GCM1: variants seen among roughly 807,000 people sequenced by gnomAD.
GCM1 encodes the protein chorion-specific transcription factor GCMa.
GCM1 carries 2 observed loss-of-function variants against 25.7 expected under a neutral mutation model. The observed-to-expected ratio is 0.08, with a 90% confidence interval of 0.03 to 0.24. GCM1 has a LOEUF of 0.24. GCM1 is among the 10% of genes least tolerant of loss of function. GCM1 has a pLI of 1.00. For missense variants in GCM1, 395 were observed against 538.7 expected, an observed-to-expected ratio of 0.73 and a Z score of 2.64; for synonymous variants, 183 against 195.7, an observed-to-expected ratio of 0.94 and a Z score of 0.54.
chr6:53,140,530 C>CAGAAAA (rs1763858837), intron 2 of GCM1, among the ~76,000 whole-genome samples: 1 of 128,596 alleles, frequency 7.8e-6, no homozygotes, highest in African/African-American at 2.8e-5. Context: ...TTCTCTCTAC[C>CAGAAAA]AAAAAAAAAA....
In GCM1 at chr6:53,128,201, T is replaced by C. The variant is rs754318983; in HGVS notation, c.*5A>G. ...GGCTGGGGTGCACATAGTGAAAGATTTGGGTCATCTCAAAGGACACAGGTT... is the reference window on the plus strand; with the variant it reads ...GGCTGGGGTGCACATAGTGAAAGATCTGGGTCATCTCAAAGGACACAGGTT... On this transcript the variant is annotated 3_prime_UTR_variant, in exon 6 of 6. Coordinates refer to ENST00000259803, the MANE Select transcript of GCM1 (RefSeq NM_003643.4). 1.3e-6 allele frequency: 2 copies of C among 1,599,724 alleles called. No homozygotes were observed. The highest frequency in any genetic ancestry group is 1.7e-6 in the Non-Finnish European group (2 of 1,176,856).
chr6:53,142,902 A>AAGGAGATG lies in GCM1; in HGVS notation c.75+2648_75+2655dup, dbSNP rs1443433431. Among the ~76,000 whole-genome samples, 6 of 148,668 alleles carry AAGGAGATG rather than the reference A, an allele frequency of 4.0e-5. No homozygotes were observed. In the South Asian group the frequency reaches 1.1e-3, roughly 26 times the overall value. ...AAAAAAAAAAAAAAAAAAAAAAAAA[A>AAGGAGATG]AGGAGATGGAACTAGAATTCAAATC... On this transcript the variant is annotated intron_variant, in intron 2 of 5. Coordinates refer to ENST00000259803, the MANE Select transcript of GCM1 (RefSeq NM_003643.4).
At position 53,128,585 on chromosome 6, in the gene GCM1, T is replaced by G; in HGVS notation, c.932A>C (p.Asn311Thr). Residue 311 changes from asparagine to threonine, a missense_variant, in exon 6 of 6, where the codon AAC (asparagine) becomes ACC (threonine). Physicochemically the swap from Asn to Thr is moderately conservative, Grantham distance 65. This residue lies in a region of GCM1 where 291 missense variants were observed against 314.6 expected (regional missense o/e 0.92). Transcript: ENST00000259803. ...AALGRNHLAD[N>T]CYSNYPFPLT... ...AGGAAAAGGATAATTGGAATAACAG[T>G]TGTCAGCAAGATGATTTCTCCCCAA... 1 of 1,614,088 alleles carries G rather than the reference T, an allele frequency of 6.2e-7. No individual in the cohort carries two copies. Among genetic ancestry groups the G allele is most frequent in the Non-Finnish European group, 8.5e-7 (1 of 1,179,978 alleles).
intron 2 of GCM1, among the ~76,000 whole-genome samples, chr6:53,136,598 A>G (rs1376668865): frequency 1.3e-5 from 2 of 152,194 alleles, no homozygotes; most frequent in Non-Finnish European, 2.9e-5. Context: ...TGTGGTTGTA[A>G]GAGTCACTGG....
Position 53,139,863 on chromosome 6 carries a change from AAAAT to A in GCM1, c.76-5543_76-5540del, listed in dbSNP as rs747849815. 5.9e-5 allele frequency among the ~76,000 whole-genome samples: 9 copies of A among 152,234 alleles called. No homozygotes were observed. In the South Asian group the frequency reaches 1.0e-3, roughly 18 times the overall value. On this transcript the variant is annotated intron_variant, in intron 2 of 5. Coordinates refer to ENST00000259803, the MANE Select transcript of GCM1 (RefSeq NM_003643.4). The stretch of plus-strand genomic sequence containing the variant: ...GCGACAGAGTGAGACTCCGTCTAAA[AAAAT>A]AAATAAATAAATAAAATAAGACTCA...
rs1430197087 is a variant in GCM1 at position 53,146,225 on chromosome 6, T to TATATAA, written c.-136-458_-136-457insTTATAT. ...ATATATATATATATATATTTTTTTT[T>TATATAA]TTTTTTTTTTTTGAGATGGAGTCTC... On this transcript the variant is annotated intron_variant, in intron 1 of 5. Coordinates refer to ENST00000259803, the MANE Select transcript of GCM1 (RefSeq NM_003643.4). Among the ~76,000 whole-genome samples, 13 of 90,762 alleles carry TATATAA rather than the reference T, an allele frequency of 1.4e-4. No homozygotes were observed. The East Asian group carries it at 4.6e-3, about 32-fold the overall frequency. The allele number at this position is 90,762 out of a possible 152,430, so 59.5% of individuals were successfully genotyped here.
intron 5 of GCM1, 145 bp from the exon 6 acceptor site, chr6:53,129,091 A>G: frequency 1.5e-6 from 1 of 649,554 alleles, no homozygotes; most frequent in Non-Finnish European, 2.6e-6. Context: ...GCACAAACAC[A>G]TGCAGCGGCT....
chr6:53,134,794 C>T (rs745309765), intron 2 of GCM1, among the ~76,000 whole-genome samples: 3 of 152,124 alleles, frequency 2.0e-5, no homozygotes, highest in African/African-American at 4.8e-5. Context: ...ACAGCAAGAC[C>T]CCTTCTCTAA....
At chr6:53,146,957 C>G (rs1269877045) in intron 1 of GCM1, among the ~76,000 whole-genome samples, 1 of 151,938 alleles carries the variant, frequency 6.6e-6, no homozygotes, top group Non-Finnish European at 1.5e-5. Flanking sequence ...TTACCCGAGC[C>G]CAGGAGGTTG....
Position 53,127,462 on chromosome 6 carries a change from C to CT in GCM1, c.*743_*744insA, listed in dbSNP as rs1445566239. On this transcript the variant is annotated 3_prime_UTR_variant, in exon 6 of 6. Coordinates refer to ENST00000259803, the MANE Select transcript of GCM1 (RefSeq NM_003643.4). ...TTCACACCTTAGGCAGTTCTTCCACCATCTATTTCTGTTTCTTCATTCTCA... is the reference window on the plus strand; with the variant it reads ...TTCACACCTTAGGCAGTTCTTCCACCTATCTATTTCTGTTTCTTCATTCTCA... The CT allele has an allele frequency of 1.8e-4, 28 of 152,282 alleles. No individual in the cohort carries two copies. The highest frequency in any genetic ancestry group is 6.7e-4 in the African/African-American group (28 of 41,558). 9.4% of individuals were successfully genotyped at this position (152,282 alleles called of 1,614,324 possible).
intron 1 of GCM1, among the ~76,000 whole-genome samples, chr6:53,147,196 T>C (rs1222209217): frequency 6.6e-6 from 1 of 152,136 alleles, no homozygotes; most frequent in Non-Finnish European, 1.5e-5. Flanking sequence ...ATTTGAAGTG[T>C]TCTACCCTGA....
intron 5 of GCM1, 31 bp downstream of exon 5, chr6:53,130,772 C>T (rs1313831846): frequency 6.3e-7 from 1 of 1,590,794 alleles, no homozygotes; most frequent in African/African-American, 1.3e-5. Context: ...CAAGCTACTG[C>T]ATGTATTGAA....
At chr6:53,141,635 C>T (rs553379656) in intron 2 of GCM1, among the ~76,000 whole-genome samples, 8 of 151,766 alleles carry the variant, frequency 5.3e-5, no homozygotes, top group East Asian at 3.9e-4. Context: ...TGCAGTGAGC[C>T]GAGATAGTGC....
At position 53,145,605 on chromosome 6, in the gene GCM1, C is replaced by T. The variant is rs1413772197; in HGVS notation, c.28G>A (p.Asp10Asn). The change falls in exon 2 of 6, where the codon GAC becomes AAC. Residue 10 changes from aspartate (D) to asparagine (N), a missense_variant. Around this residue, in one of 5 missense-constraint regions of GCM1, gnomAD observed 44 missense variants for 60.8 expected, o/e 0.72. Transcript: ENST00000259803. ...ATATCCCAGCTTAATATCTCTTTGT[C>T]TTCAGAATCAAAGTCGTCAGGTTCC... MEPDDFDSE[D>N]KEILSWDIND... 1 of 1,601,470 alleles carries T rather than the reference C, an allele frequency of 6.2e-7. No homozygotes were observed. Among genetic ancestry groups the T allele is most frequent in the African/African-American group, 1.3e-5 (1 of 74,662 alleles).
chr6:53,131,937 G>T, intron 4 of GCM1, 70 bp downstream of exon 4: 1 of 858,466 alleles, frequency 1.2e-6, no homozygotes, highest in Non-Finnish European at 2.0e-6. Flanking sequence ...CTCATTCACA[G>T]GTGCATTTCT....
At chr6:53,137,871 G>C (rs1454687326) in intron 2 of GCM1, among the ~76,000 whole-genome samples, 1 of 152,200 alleles carries the variant, frequency 6.6e-6, no homozygotes, top group Admixed American at 6.5e-5. Flanking sequence ...GAACATCTCA[G>C]ATGTTCTGAT....
intron 3 of GCM1, 79 bp downstream of exon 3, chr6:53,133,993 G>C: frequency 7.1e-7 from 1 of 1,399,398 alleles, no homozygotes; most frequent in Non-Finnish European, 9.8e-7. Context: ...CTTGGGCGGT[G>C]CTGGGACACA....
intron 5 of GCM1, 118 bp downstream of exon 5, chr6:53,130,685 C>G: frequency 1.3e-6 from 1 of 744,546 alleles, no homozygotes; most frequent in Non-Finnish European, 2.2e-6. Context: ...TGTAGATGAG[C>G]CTGATAATCC....
chr6:53,143,404 GA>G (rs924921353), intron 2 of GCM1, among the ~76,000 whole-genome samples: 7 of 152,094 alleles, frequency 4.6e-5, no homozygotes, highest in African/African-American at 1.7e-4. Context: ...TCCTGTCCCA[GA>G]AAAAATTGCC....
Sources: gnomAD v4.1 joint callset for allele counts (sites outside exome capture counted in the v4.1 genomes callset) on GRCh38, gnomAD v4.1.1 for gene constraint, gnomAD v4.1.1 regional missense constraint, MANE v1.5 for transcripts, NCBI Gene and HGNC (gene_info 2026-07-23, HGNC 2026-07-21) for gene names.